Variants in PRR5 observed in about 807,000 individuals in gnomAD.
PRR5 encodes the protein proline-rich protein 5.
Under a neutral mutation model 30.6 loss-of-function variants are expected in PRR5, and 25 were observed. That is an observed-to-expected ratio of 0.82 (90% CI 0.60 to 1.14). The LOEUF (loss-of-function observed/expected upper bound fraction) is 1.14, where lower values mean the gene tolerates loss of function less well. Among genes scored for constraint, PRR5 ranks in the 50% most tolerant of loss-of-function variants. The pLI, the probability that PRR5 is intolerant of heterozygous loss-of-function variation, is 0.00. For missense variants in PRR5, 600 were observed against 547.1 expected (o/e 1.10, Z -0.96); for synonymous variants, 286 against 247.1 (o/e 1.16, Z -1.48).
At chr22:44,707,167 C>T (rs746012660) in intron 1 of PRR5, among the ~76,000 whole-genome samples, 3 of 152,236 alleles carry the variant, frequency 2.0e-5, no homozygotes, top group Non-Finnish European at 4.4e-5. Context: ...AGCTCCAGTT[C>T]ACTCCTCCCT....
chr22:44,712,306 C>T (rs1928369964), intron 1 of PRR5, among the ~76,000 whole-genome samples: 1 of 152,210 alleles, frequency 6.6e-6, no homozygotes, highest in Admixed American at 6.5e-5. Context: ...TGATGAAGCC[C>T]TGGGCAGAGC....
chr22:44,716,630 A>G (rs1165276702), intron 2 of PRR5, among the ~76,000 whole-genome samples: 1 of 152,184 alleles, frequency 6.6e-6, no homozygotes, highest in African/African-American at 2.4e-5. Context: ...TGAGGCAGAG[A>G]GTGGTTGACG....
chr22:44,709,365 A>G (rs976183075), intron 1 of PRR5, among the ~76,000 whole-genome samples: 2 of 152,150 alleles, frequency 1.3e-5, no homozygotes, highest in African/African-American at 4.8e-5. Flanking sequence ...AAAGGGACAG[A>G]GATGCAGTGA....
chr22:44,732,186 C>G, intron 5 of PRR5, 65 bp from the exon 6 acceptor site: 1 of 1,584,228 alleles, frequency 6.3e-7, no homozygotes, highest in Non-Finnish European at 8.6e-7. Flanking sequence ...GTCCCAGGAC[C>G]GGGAGAGGGG....
chr22:44,705,739 C>T (rs545941541), intron 1 of PRR5, among the ~76,000 whole-genome samples: 3 of 152,262 alleles, frequency 2.0e-5, no homozygotes, highest in African/African-American at 4.8e-5. Context: ...ATTCTCCTGT[C>T]GCAGCCTCCC....
At chr22:44,676,864 T>G (rs1232254951), upstream of PRR5, 1 of 152,212 alleles carries the variant, frequency 6.6e-6, no homozygotes, top group Admixed American at 6.5e-5. Flanking sequence ...GGGACTGCTC[T>G]GTGAGCAGTG....
In PRR5 at chr22:44,736,755, C is replaced by T; in HGVS notation, c.692-17C>T. ...CCAGGTGGCCTCTGGTGTGACAGTGCCCGTGTCTCTCCCCAGAAAAGCGCC... is the reference window on the plus strand; with the variant it reads ...CCAGGTGGCCTCTGGTGTGACAGTGTCCGTGTCTCTCCCCAGAAAAGCGCC... On this transcript the variant is annotated splice_polypyrimidine_tract_variant and intron_variant, in intron 7 of 7. Transcript: ENST00000336985. The T allele has an allele frequency of 6.5e-7, 1 of 1,532,290 alleles. No homozygotes were observed. Among genetic ancestry groups the T allele is most frequent in the Non-Finnish European group, 8.8e-7 (1 of 1,136,174 alleles). The allele number at this position is 1,532,290 out of a possible 1,614,324, so 94.9% of individuals were successfully genotyped here.
Position 44,717,371 on chromosome 22 carries a change from T to C in PRR5, c.215+2700T>C, listed in dbSNP as rs56162026. 2.7e-3 allele frequency among the ~76,000 whole-genome samples: 417 copies of C among 151,856 alleles called. 2 individuals carry two copies. The highest frequency in any genetic ancestry group is 6.8e-3 in the Middle Eastern group (2 of 294). ...CACGCCTGGCTAATTTTTATATTTT[T>C]AGTAGAGACGGGGTTTCACCATGTT... On this transcript the variant is annotated intron_variant, in intron 2 of 7. Transcript: ENST00000336985.
chr22:44,714,683 TC>T lies in PRR5; in HGVS notation c.215+15del. ...AACGAGGGCGTCCGGTGAGTGCCTG[TC>T]CCACCTTGGTCCAGGGTCCTTGAGT... On this transcript the variant is annotated intron_variant, in intron 2 of 7. Coordinates refer to ENST00000336985, the MANE Select transcript of PRR5 (RefSeq NM_181333.4). The T allele has an allele frequency of 6.2e-7, 1 of 1,613,616 alleles. No homozygotes were observed. Among genetic ancestry groups the T allele is most frequent in the African/African-American group, 1.3e-5 (1 of 75,046 alleles).
chr22:44,719,557 G>A (rs995239491), intron 2 of PRR5, among the ~76,000 whole-genome samples: 4 of 152,188 alleles, frequency 2.6e-5, no homozygotes, highest in Non-Finnish European at 5.9e-5. Flanking sequence ...GTGCTCAGCC[G>A]TGAGGTCCGT....
chr22:44,699,024 G>C (rs1364400296), upstream of PRR5, among the ~76,000 whole-genome samples: 1 of 152,152 alleles, frequency 6.6e-6, no homozygotes, highest in Non-Finnish European at 1.5e-5. Flanking sequence ...GCGCTGGGCT[G>C]TTGGGTGTAG....
At chr22:44,685,071 C>T (rs921318568) in intron 1 of PRR5, among the ~76,000 whole-genome samples, 2 of 152,166 alleles carry the variant, frequency 1.3e-5, no homozygotes, top group Non-Finnish European at 2.9e-5. Flanking sequence ...ACTCACTCAC[C>T]CTACAACCCG....
chr22:44,723,028 C>T (rs1392731588), intron 2 of PRR5, among the ~76,000 whole-genome samples: 1 of 151,336 alleles, frequency 6.6e-6, no homozygotes, highest in Admixed American at 6.6e-5. Flanking sequence ...CTCTGTCACC[C>T]AGGCTGGAGT....
In PRR5 at chr22:44,735,041, C is replaced by A; in HGVS notation, c.570C>A (p.Ser190=). Residue 190 remains serine, a synonymous_variant, in exon 7 of 8, where the codon TCC becomes TCA. Transcript: ENST00000336985. ...CTCTCCTGCAGGGGGTACATGAGTC[C>A]AGGGGCGTGACTGAGGACTACCTGC... ...MLLVLQGVHE[S]RGVTEDYLRL... is the part of the protein sequence containing the mutation. 1 of 1,612,784 alleles carries A rather than the reference C, an allele frequency of 6.2e-7. No homozygotes were observed. Among genetic ancestry groups the A allele is most frequent in the Non-Finnish European group, 8.5e-7 (1 of 1,179,618 alleles).
chr22:44,726,733 G>A (rs1203274295), intron 4 of PRR5, 99 bp downstream of exon 4: 6 of 1,568,414 alleles, frequency 3.8e-6, no homozygotes, highest in African/African-American at 1.4e-5. Flanking sequence ...GGTGCAAGGT[G>A]TGGCTCTCTG....
intron 4 of PRR5, chr22:44,730,435 C>A (rs945662681): frequency 1.0e-6 from 1 of 985,396 alleles, no homozygotes; most frequent in Non-Finnish European, 1.2e-6. Flanking sequence ...TCAGTCCAGG[C>A]AGAAAGGCCA....
upstream of PRR5, among the ~76,000 whole-genome samples, chr22:44,676,236 A>C (rs1218638811): frequency 6.6e-6 from 1 of 151,538 alleles, no homozygotes; most frequent in Non-Finnish European, 1.5e-5. Flanking sequence ...GTACAAAAAA[A>C]ATGAGTCAGC....
At position 44,737,026 on chromosome 22, in the gene PRR5, G is replaced by T; in HGVS notation, c.946G>T (p.Gly316Trp). The change falls in exon 8 of 8, where the codon GGG (glycine) becomes TGG (tryptophan). Residue 316 changes from glycine to tryptophan, a missense_variant. Transcript: ENST00000336985. ...TFRSSPAPHSGPCPSRLYPTT... is the reference protein window; with the variant it reads ...TFRSSPAPHSWPCPSRLYPTT... ...CAGGTCCTCCCCGGCGCCCCACTCAGGGCCCTGCCCCAGCAGACTGTACCC... is the reference window on the plus strand; with the variant it reads ...CAGGTCCTCCCCGGCGCCCCACTCATGGCCCTGCCCCAGCAGACTGTACCC... The T allele has an allele frequency of 6.2e-7, 1 of 1,602,230 alleles. No individual in the cohort carries two copies.
At chr22:44,718,192 CTTT>C (rs34868054) in intron 2 of PRR5, among the ~76,000 whole-genome samples, 11 of 94,580 alleles carry the variant, frequency 1.2e-4, no homozygotes, top group South Asian at 4.5e-4. Flanking sequence ...TTTCATCTCT[CTTT>C]TTTTTTTTTT....
Sources: gnomAD v4.1 joint callset for allele counts (sites outside exome capture counted in the v4.1 genomes callset) on GRCh38, gnomAD v4.1.1 for gene constraint, MANE v1.5 for transcripts, NCBI Gene and HGNC (gene_info 2026-07-23, HGNC 2026-07-21) for gene names.